ARHGEF18: variants seen among roughly 807,000 people sequenced by gnomAD.
ARHGEF18 encodes rho guanine nucleotide exchange factor 18.
A neutral mutation model predicts 155.7 loss-of-function variants in ARHGEF18; 93 were observed. The ratio of observed to expected loss-of-function variants is 0.60; its 90% CI spans 0.50 to 0.71. The LOEUF is 0.71. Ranked by LOEUF, ARHGEF18 falls within the 30% of genes least tolerant of loss-of-function variation. The pLI, the probability that ARHGEF18 is intolerant of heterozygous loss-of-function variation, is 0.00. For synonymous variants in ARHGEF18, 742 were observed against 753.1 expected (o/e 0.99, Z 0.24); for missense variants, 1,593 against 1,816.1 (o/e 0.88, Z 2.23).
chr19:7,369,614 T>C lies in ARHGEF18; in HGVS notation c.16-3198T>C, dbSNP rs1405279342. On this transcript the variant is annotated intron_variant, in intron 2 of 28. Transcript: ENST00000668164. The stretch of plus-strand genomic sequence containing the variant: ...GAGTTCAAGAGCAGCCTGGCCAAGA[T>C]GGTGAAACTCTGTCTCTACTAAAAA... Among the ~76,000 whole-genome samples the C allele has an allele frequency of 2.6e-5, 4 of 151,468 alleles. No homozygotes were observed. In the East Asian group the frequency reaches 7.8e-4, roughly 29 times the overall value.
intron 10 of ARHGEF18, among the ~76,000 whole-genome samples, chr19:7,422,298 T>A (rs899304691): frequency 1.3e-5 from 2 of 151,862 alleles, no homozygotes; most frequent in African/African-American, 4.8e-5. Flanking sequence ...TGCCTTTTAA[T>A]CTTCATCTCT....
intron 10 of ARHGEF18, among the ~76,000 whole-genome samples, chr19:7,412,588 A>C (rs986281357): frequency 6.6e-6 from 1 of 151,776 alleles, no homozygotes. Context: ...CTAAAAATAC[A>C]TAAAGTAGCC....
rs200869379 is a variant in ARHGEF18, at chr19:7,367,758, A to AATATAT, written c.15+4863_15+4868dup. On this transcript the variant is annotated intron_variant, in intron 2 of 28. Transcript: ENST00000668164. ...TGAAACTCCATCTCAAAAAAAAAAA[A>AATATAT]ATATATATATATATACACATATATA... Among the ~76,000 whole-genome samples, 6 of 74,114 alleles carry AATATAT rather than the reference A, an allele frequency of 8.1e-5. 2 individuals carry two copies. The highest frequency in any genetic ancestry group is 4.3e-4 in the African/African-American group (6 of 14,060). The allele number at this position is 74,114 out of a possible 152,430, so 48.6% of individuals were successfully genotyped here. A position where few individuals can be genotyped will look rare whatever the true frequency, so the allele number is the denominator to read the frequency against.
chr19:7,439,282 C>CA (rs1555720499), intron 10 of ARHGEF18, among the ~76,000 whole-genome samples: 1 of 148,064 alleles, frequency 6.8e-6, no homozygotes, highest in African/African-American at 2.5e-5. Context: ...ATAGTGAGAC[C>CA]CCCCCCCAAC....
At chr19:7,378,608 C>T (rs569603042) in intron 6 of ARHGEF18, among the ~76,000 whole-genome samples, 157 bp downstream of exon 6, 13 of 151,766 alleles carry the variant, frequency 8.6e-5, no homozygotes, top group Admixed American at 7.2e-4. Flanking sequence ...ATCTTTCTGC[C>T]ACCATCCTTC....
Position 7,440,162 on chromosome 19 carries a change from G to C in ARHGEF18, c.968-182G>C. 2 of 1,551,432 alleles carry C rather than the reference G, an allele frequency of 1.3e-6. No homozygotes were observed. The highest frequency in any genetic ancestry group is 1.7e-6 in the Non-Finnish European group (2 of 1,146,948). On this transcript the variant is annotated intron_variant, in intron 10 of 28. Transcript: ENST00000668164. This position sits in a 1 kb window ranked among gnomAD's most constrained non-coding sequence, Gnocchi z 5.4. ...ACAGCGCGCTCCCCGGCCGCCCCGA[G>C]CTGTCTTTTTACGGCTCTTTCCCCA...
chr19:7,472,142 A>T lies in ARHGEF18; in HGVS notation c.*1844A>T, dbSNP rs1977065342. 6.6e-6 allele frequency: 1 copy of T among 152,178 alleles called. No individual in the cohort carries two copies. The highest frequency in any genetic ancestry group is 6.5e-5 in the Admixed American group (1 of 15,274). The allele number at this position is 152,178 out of a possible 1,614,324, so 9.4% of individuals were successfully genotyped here. On this transcript the variant is annotated 3_prime_UTR_variant, in exon 29 of 29. Coordinates refer to ENST00000668164, the MANE Select transcript of ARHGEF18 (RefSeq NM_001367823.1). ...CTTGGATGGGGGAGAAGTTCAAGGAATTTCTGCTCGGCCACGCGGTGGGAA... is the reference window on the plus strand; with the variant it reads ...CTTGGATGGGGGAGAAGTTCAAGGATTTTCTGCTCGGCCACGCGGTGGGAA...
chr19:7,403,356 C>T (rs1433874769), intron 10 of ARHGEF18, among the ~76,000 whole-genome samples: 1 of 152,118 alleles, frequency 6.6e-6, no homozygotes, highest in Admixed American at 6.6e-5. Flanking sequence ...ACTGCCCATT[C>T]CCCCATCCTC....
At chr19:7,405,980 C>G (rs1333314263) in intron 10 of ARHGEF18, among the ~76,000 whole-genome samples, 1 of 152,158 alleles carries the variant, frequency 6.6e-6, no homozygotes, top group African/African-American at 2.4e-5. Flanking sequence ...CAGTGATTTT[C>G]CAGTATTTTG....
chr19:7,396,710 T>TAA (rs757240169), intron 10 of ARHGEF18, among the ~76,000 whole-genome samples: 6 of 130,896 alleles, frequency 4.6e-5, no homozygotes, highest in African/African-American at 1.4e-4. Flanking sequence ...CAAGACTGTC[T>TAA]AAAAAAAAAA....
chr19:7,410,443 C>G (rs1056328557), intron 10 of ARHGEF18, among the ~76,000 whole-genome samples: 2 of 151,510 alleles, frequency 1.3e-5, no homozygotes, highest in African/African-American at 4.8e-5. Context: ...AATCTTCCAG[C>G]TTTCTGGAAG....
chr19:7,478,121 G>A, the ARHGEF18 span, among the ~76,000 whole-genome samples: 1 of 152,252 alleles, frequency 6.6e-6, no homozygotes, highest in Admixed American at 6.5e-5. Context: ...CTCAGCCCTG[G>A]AGTCCCCGCT....
chr19:7,363,289 AGAAG>A (rs1263069031), intron 2 of ARHGEF18, among the ~76,000 whole-genome samples: 10 of 151,992 alleles, frequency 6.6e-5, no homozygotes, highest in South Asian at 6.2e-4. Context: ...ACGGATGACT[AGAAG>A]GAAGGGAGGA....
At chr19:7,437,226 C>A (rs1161777341) in intron 10 of ARHGEF18, among the ~76,000 whole-genome samples, 1 of 151,992 alleles carries the variant, frequency 6.6e-6, no homozygotes, top group South Asian at 2.1e-4. Flanking sequence ...GTTGGGAGTT[C>A]GAGACCAGCC....
intron 1 of ARHGEF18, among the ~76,000 whole-genome samples, chr19:7,350,576 C>T (rs570811667): frequency 1.4e-4 from 21 of 152,222 alleles, no homozygotes; most frequent in African/African-American, 5.1e-4. Flanking sequence ...CCTGGGCATC[C>T]CCTAGCCCAT....
At chr19:7,368,906 A>C (rs1436876384) in intron 2 of ARHGEF18, among the ~76,000 whole-genome samples, 1 of 151,296 alleles carries the variant, frequency 6.6e-6, no homozygotes, top group Non-Finnish European at 1.5e-5. Flanking sequence ...GGTGATCAAA[A>C]GGCAGAGGGA....
Position 7,471,542 on chromosome 19 carries a change from C to T in ARHGEF18, c.*1244C>T, listed in dbSNP as rs552477598. The T allele has an allele frequency of 6.6e-6, 1 of 152,422 alleles. No homozygotes were observed. The highest frequency in any genetic ancestry group is 2.4e-5 in the African/African-American group (1 of 41,584). 9.4% of individuals were successfully genotyped at this position (152,422 alleles called of 1,614,324 possible). A position where few individuals can be genotyped will look rare whatever the true frequency, so the allele number is the denominator to read the frequency against. On this transcript the variant is annotated 3_prime_UTR_variant, in exon 29 of 29. Coordinates refer to ENST00000668164, the MANE Select transcript of ARHGEF18 (RefSeq NM_001367823.1). This position sits in a 1 kb window ranked among gnomAD's most constrained non-coding sequence, Gnocchi z 4.4. ...CAGTGGGGTACATGTGAGCCCCTGC[C>T]AGGGCCAAGTCCTTCTCCCGAACCC...
intron 2 of ARHGEF18, among the ~76,000 whole-genome samples, chr19:7,364,356 G>C (rs542891846): frequency 7.6e-6 from 1 of 131,866 alleles, no homozygotes; most frequent in Admixed American, 8.2e-5. Context: ...AGGAAGGAAG[G>C]AGGGAAGGAA....
intron 2 of ARHGEF18, among the ~76,000 whole-genome samples, chr19:7,363,217 A>AGGAT (rs374598545): frequency 1.6e-4 from 25 of 151,968 alleles, no homozygotes; most frequent in Non-Finnish European, 2.6e-4. Context: ...GATGAGTAGA[A>AGGAT]GGATGGATGG....
Sources: gnomAD v4.1 joint callset for allele counts (sites outside exome capture counted in the v4.1 genomes callset) on GRCh38, gnomAD v4.1.1 for gene constraint, Gnocchi (gnomAD v3.1) non-coding constraint, MANE v1.5 for transcripts, NCBI Gene and HGNC (gene_info 2026-07-23, HGNC 2026-07-21) for gene names.